PDE8A: variants seen among roughly 807,000 people sequenced by gnomAD.
PDE8A encodes the protein phosphodiesterase 8A, also known as high affinity cAMP-specific and IBMX-insensitive 3',5'-cyclic phosphodiesterase 8A.
Under a neutral mutation model 105.0 loss-of-function variants are expected in PDE8A, and 59 were observed. That is an observed-to-expected ratio of 0.56 (90% CI 0.46 to 0.70). The LOEUF is 0.70. PDE8A is among the 30% of genes least tolerant of loss of function. The pLI, the probability that PDE8A is intolerant of heterozygous loss-of-function variation, is 0.00. For synonymous variants in PDE8A, 355 were observed against 371.9 expected, an observed-to-expected ratio of 0.95 and a Z score of 0.52; for missense variants, 1,014 against 1,045.9, an observed-to-expected ratio of 0.97 and a Z score of 0.42.
At chr15:85,006,371 C>T (rs182920665) in intron 1 of PDE8A, among the ~76,000 whole-genome samples, 29 of 152,260 alleles carry the variant, frequency 1.9e-4, no homozygotes, top group African/African-American at 7.0e-4. Context: ...TCTCTCAGTG[C>T]AAGCTGAGGG....
intron 6 of PDE8A, among the ~76,000 whole-genome samples, chr15:85,087,194 G>C (rs1057389262): frequency 1.3e-5 from 2 of 151,476 alleles, no homozygotes; most frequent in Non-Finnish European, 2.9e-5. Flanking sequence ...TAATGTAAAG[G>C]CATTGTTTTT....
intron 1 of PDE8A, among the ~76,000 whole-genome samples, chr15:85,056,643 A>G (rs2081064374): frequency 6.6e-6 from 1 of 152,130 alleles, no homozygotes. Context: ...TTCTCATGTC[A>G]TGGTTTTCAG....
intron 8 of PDE8A, among the ~76,000 whole-genome samples, chr15:85,094,588 ATC>A (rs2081709120): frequency 6.6e-6 from 1 of 152,180 alleles, no homozygotes; most frequent in South Asian, 2.1e-4. Flanking sequence ...CAAAAACCCA[ATC>A]TCTCTTCCAA....
intron 1 of PDE8A, among the ~76,000 whole-genome samples, chr15:84,998,232 T>C (rs192706015): frequency 1.1e-3 from 163 of 152,316 alleles, no homozygotes; most frequent in African/African-American, 3.7e-3. Context: ...AAGATCACAC[T>C]GCAAGTATTG....
chr15:84,996,032 C>CTA (rs1172878737), intron 1 of PDE8A, among the ~76,000 whole-genome samples: 1 of 152,024 alleles, frequency 6.6e-6, no homozygotes, highest in East Asian at 1.9e-4. Context: ...TGTTTGTTGC[C>CTA]TATATCTCTA....
chr15:85,054,685 G>A (rs1483356321), intron 1 of PDE8A, among the ~76,000 whole-genome samples: 3 of 152,116 alleles, frequency 2.0e-5, no homozygotes, highest in Admixed American at 1.3e-4. Context: ...TTTCTATTGT[G>A]TCTATTTGAT....
chr15:85,126,236 C>A lies in PDE8A; in HGVS notation c.2115C>A (p.Asn705Lys), dbSNP rs1315400952. ...GETDKNQEVINTMLRTPENRT... is the reference protein window; with the variant it reads ...GETDKNQEVIKTMLRTPENRT... Reference sequence around the variant, plus strand: ...CTGATAAAAACCAGGAAGTGATAAACACTATGCTTAGGACTCCAGAGAACC... The same window carrying A: ...CTGATAAAAACCAGGAAGTGATAAAAACTATGCTTAGGACTCCAGAGAACC... Residue 705 changes from asparagine to lysine, a missense_variant, in exon 20 of 22, where the codon AAC (asparagine) becomes AAA (lysine). Coordinates refer to ENST00000394553, the MANE Select transcript of PDE8A (RefSeq NM_002605.3). 27 of 1,610,828 alleles carry A rather than the reference C, an allele frequency of 1.7e-5. No individual in the cohort carries two copies. Among genetic ancestry groups the A allele is most frequent in the Non-Finnish European group, 2.3e-5 (27 of 1,178,540 alleles).
At chr15:85,109,435 T>A (rs2081990679) in intron 12 of PDE8A, among the ~76,000 whole-genome samples, 1 of 152,260 alleles carries the variant, frequency 6.6e-6, no homozygotes, top group South Asian at 2.1e-4. Context: ...TTGTTTGAAT[T>A]TGATAATTCT....
chr15:85,131,372 C>T (rs182152857), intron 20 of PDE8A, among the ~76,000 whole-genome samples: 1 of 152,270 alleles, frequency 6.6e-6, no homozygotes, highest in African/African-American at 2.4e-5. Context: ...TTACTGCCTC[C>T]TGTTGTGCTT....
intron 1 of PDE8A, among the ~76,000 whole-genome samples, chr15:85,052,280 CAT>C (rs1430680685): frequency 2.6e-5 from 4 of 152,220 alleles, no homozygotes; most frequent in South Asian, 2.1e-4. Flanking sequence ...CCGCAATAAA[CAT>C]ATGTGTGCAT....
intron 18 of PDE8A, 74 bp from the exon 19 acceptor site, chr15:85,122,987 A>AT (rs2082204549): frequency 6.8e-7 from 1 of 1,474,594 alleles, no homozygotes; most frequent in Admixed American, 1.7e-5. Context: ...CCTGGATAAC[A>AT]GATTGTTTTC....
At position 85,075,881 on chromosome 15, in the gene PDE8A, C is replaced by T; in HGVS notation, c.454C>T (p.Leu152Phe). The stretch of plus-strand genomic sequence containing the variant: ...TTTAAGGTCTATCAGATCATCAAAA[C>T]TCTCAGAAAACACAGTTATTGTTGG... ...ALCRSIRSSKLSENTVIVGVV... is the reference protein window; with the variant it reads ...ALCRSIRSSKFSENTVIVGVV... Residue 152 changes from leucine to phenylalanine, a missense_variant, in exon 4 of 22, where the codon CTC (leucine) becomes TTC (phenylalanine). By Grantham distance (22) the Leu-to-Phe change is conservative. Transcript: ENST00000394553. The T allele has an allele frequency of 1.9e-6, 3 of 1,567,864 alleles. No individual in the cohort carries two copies. The highest frequency in any genetic ancestry group is 2.6e-6 in the Non-Finnish European group (3 of 1,143,840).
rs780840769 is a variant in PDE8A, at chr15:85,126,274, A to G, written c.2153A>G (p.Lys718Arg). ...ACTCCAGAGAACCGGACCCTAATCA[A>G]ACGAATGCTGATTAAATGTGCTGAT... ...LRTPENRTLIKRMLIKCADVS... is the reference protein window; with the variant it reads ...LRTPENRTLIRRMLIKCADVS... The change falls in exon 20 of 22, where the codon AAA becomes AGA. Residue 718 changes from lysine (K) to arginine (R), a missense_variant. Lys to Arg is a conservative substitution (Grantham distance 26). Coordinates refer to ENST00000394553, the MANE Select transcript of PDE8A (RefSeq NM_002605.3). 1 of 1,613,188 alleles carries G rather than the reference A, an allele frequency of 6.2e-7. No individual in the cohort carries two copies. The highest frequency in any genetic ancestry group is 8.5e-7 in the Non-Finnish European group (1 of 1,179,468).
chr15:85,137,453 C>T (rs551814479), intron 21 of PDE8A, among the ~76,000 whole-genome samples: 3 of 144,266 alleles, frequency 2.1e-5, no homozygotes, highest in South Asian at 2.2e-4. Flanking sequence ...GCCAGGCCAT[C>T]GGTTGGGGCG....
chr15:84,989,220 G>T (rs2079849263), intron 1 of PDE8A, among the ~76,000 whole-genome samples: 1 of 152,246 alleles, frequency 6.6e-6, no homozygotes, highest in Non-Finnish European at 1.5e-5. Flanking sequence ...GGCACCATGT[G>T]TAGTTTGCCC....
At chr15:85,061,825 A>G (rs1731143982) in intron 1 of PDE8A, among the ~76,000 whole-genome samples, 1 of 151,898 alleles carries the variant, frequency 6.6e-6, no homozygotes, top group Non-Finnish European at 1.5e-5. Context: ...GATAATTTCA[A>G]TTGTCCCCTC....
intron 1 of PDE8A, among the ~76,000 whole-genome samples, chr15:85,050,114 T>C (rs960727166): frequency 1.1e-4 from 17 of 152,170 alleles, no homozygotes; most frequent in African/African-American, 4.1e-4. Flanking sequence ...TTTATTAATA[T>C]ATCTTCTTTG....
At position 84,982,140 on chromosome 15, in the gene PDE8A, G is replaced by A; in HGVS notation, c.-23G>A. 1.5e-6 allele frequency: 2 copies of A among 1,302,832 alleles called. No homozygotes were observed. The highest frequency in any genetic ancestry group is 1.9e-6 in the Non-Finnish European group (2 of 1,029,298). 80.7% of individuals were successfully genotyped at this position (1,302,832 alleles called of 1,614,324 possible). On this transcript the variant is annotated 5_prime_UTR_variant, in exon 1 of 22. It adds an upstream start codon to the 5' untranslated region. Transcript: ENST00000394553. ...GACCGGATCGCGGCTACCCGCCAGCGTGTCCGCGGCGCCGCCGCCAGCATG... is the reference window on the plus strand; with the variant it reads ...GACCGGATCGCGGCTACCCGCCAGCATGTCCGCGGCGCCGCCGCCAGCATG...
At chr15:85,016,180 T>A (rs1239058706) in intron 1 of PDE8A, among the ~76,000 whole-genome samples, 1 of 152,188 alleles carries the variant, frequency 6.6e-6, no homozygotes, top group African/African-American at 2.4e-5. Context: ...TGACTTGTCA[T>A]TGCAAATTTA....
Sources: gnomAD v4.1 joint callset for allele counts (sites outside exome capture counted in the v4.1 genomes callset) on GRCh38, gnomAD v4.1.1 for gene constraint, MANE v1.5 for transcripts, NCBI Gene and HGNC (gene_info 2026-07-23, HGNC 2026-07-21) for gene names.